Variants in CACNA1H observed in about 807,000 individuals in gnomAD.
The protein encoded by CACNA1H is calcium voltage-gated channel subunit alpha1 H, also known as voltage-dependent T-type calcium channel subunit alpha-1H.
A neutral mutation model predicts 192.5 loss-of-function variants in CACNA1H; 149 were observed. The observed-to-expected ratio is 0.77, with a 90% CI of 0.68 to 0.89. CACNA1H has a LOEUF of 0.89. Among genes scored for constraint, CACNA1H ranks in the 40% least tolerant of loss-of-function variants. The probability of loss-of-function intolerance (pLI) is 0.00; values close to 1 mark genes in which losing one functional copy is unlikely to be tolerated. For missense variants in CACNA1H, 4,257 were observed against 3,423.5 expected, an observed-to-expected ratio of 1.24 and a Z score of -6.08; for synonymous variants, 2,202 against 1,475.2, an observed-to-expected ratio of 1.49 and a Z score of -11.29.
In CACNA1H at chr16:1,210,793, G is replaced by A. The variant is rs200400235; in HGVS notation, c.4045G>A (p.Ala1349Thr). The change falls in exon 21 of 35, where the codon GCC (alanine) becomes ACC (threonine). Residue 1349 changes from alanine (A) to threonine (T), a missense_variant. Transcript: ENST00000348261. ...FVAEMMVKVV[A>T]LGLLSGEHAY... ...TGCCATTGGCCCTCCGCAGGTGGTG[G>A]CCCTGGGGCTGCTGTCCGGCGAGCA... is the stretch of plus-strand genomic sequence containing the variant. The A allele has an allele frequency of 6.7e-5, 108 of 1,600,820 alleles. 1 individual carries two copies. In the East Asian group the frequency reaches 2.4e-3, roughly 35 times the overall value.
rs866918138 is a variant in CACNA1H, at chr16:1,213,768, C to T, written c.4778-12C>T. ...CCCTCCTGCCCGGCGCTCATGGCCG[C>T]CCTCCCCGCAGAGGCCCAGCGCCGG... is the stretch of plus-strand genomic sequence containing the variant. On this transcript the variant is annotated splice_polypyrimidine_tract_variant and intron_variant, in intron 26 of 34. Coordinates refer to ENST00000348261, the MANE Select transcript of CACNA1H (RefSeq NM_021098.3). 1.3e-6 allele frequency: 2 copies of T among 1,537,074 alleles called. No homozygotes were observed. The highest frequency in any genetic ancestry group is 1.7e-6 in the Non-Finnish European group (2 of 1,143,590).
rs762960317 is a variant in CACNA1H, at chr16:1,202,229, TGCCGCA to T, written c.1783_1788del (p.Ala595_Ala596del). The stretch of plus-strand genomic sequence containing the variant: ...CGCAGGAGAGGGCCCGGGTGGCACA[TGCCGCA>T]GCCACTGCCGCTGCCAGCCTCAGAC... On this transcript the variant is annotated inframe_deletion, in exon 9 of 35. Coordinates refer to ENST00000348261, the MANE Select transcript of CACNA1H (RefSeq NM_021098.3). 6 of 1,556,218 alleles carry T rather than the reference TGCCGCA, an allele frequency of 3.9e-6. No homozygotes were observed. Among genetic ancestry groups the T allele is most frequent in the African/African-American group, 1.4e-5 (1 of 73,224 alleles).
chr16:1,211,454 T>G (rs761139655), intron 22 of CACNA1H, 27 bp from the exon 23 acceptor site: 2 of 1,612,000 alleles, frequency 1.2e-6, no homozygotes, highest in Non-Finnish European at 1.7e-6. Context: ...GGCCAGGCCC[T>G]CCGCGGTGAC....
At chr16:1,207,624 C>G in intron 14 of CACNA1H, 146 bp from the exon 15 acceptor site, 1 of 907,924 alleles carries the variant, frequency 1.1e-6, no homozygotes, top group Non-Finnish European at 1.7e-6. Context: ...AGATTCCTCA[C>G]CTACCTGCCC....
intron 6 of CACNA1H, among the ~76,000 whole-genome samples, chr16:1,200,019 C>T (rs927189960): frequency 2.0e-5 from 3 of 152,146 alleles, no homozygotes; most frequent in African/African-American, 4.8e-5. Context: ...GTGGTTTCTG[C>T]AGCACCACTG....
intron 2 of CACNA1H, among the ~76,000 whole-genome samples, chr16:1,158,968 C>G (rs1188056914): frequency 1.3e-5 from 2 of 152,208 alleles, no homozygotes; most frequent in Non-Finnish European, 2.9e-5. Flanking sequence ...CGGGTTTCAC[C>G]GTCCGTCTGT....
intron 2 of CACNA1H, among the ~76,000 whole-genome samples, chr16:1,183,275 C>G (rs193091317): frequency 6.6e-6 from 1 of 152,172 alleles, no homozygotes; most frequent in Non-Finnish European, 1.5e-5. Context: ...CGCGTTCCCC[C>G]AGTTTTCCCC....
At chr16:1,186,274 G>C (rs927104963) in intron 2 of CACNA1H, among the ~76,000 whole-genome samples, 24 of 151,934 alleles carry the variant, frequency 1.6e-4, no homozygotes, top group Non-Finnish European at 2.2e-4. Context: ...AAGAATGCGC[G>C]GCTCCCTCGA....
chr16:1,195,855 T>G, intron 4 of CACNA1H, 71 bp from the exon 5 acceptor site: 1 of 1,219,134 alleles, frequency 8.2e-7, no homozygotes, highest in South Asian at 1.2e-5. Context: ...CCCACCCTAC[T>G]TTGCACCCCA....
chr16:1,208,776 G>C (rs2141323277), intron 16 of CACNA1H, among the ~76,000 whole-genome samples: 1 of 152,278 alleles, frequency 6.6e-6, no homozygotes, highest in East Asian at 1.9e-4. Context: ...CACTTTGTCT[G>C]GTCCTGGGCT....
rs61072201 is a variant in CACNA1H at position 1,204,314 on chromosome 16, G to A, written c.2307G>A (p.Pro769=). The A allele has an allele frequency of 3.3e-5, 53 of 1,599,336 alleles. No homozygotes were observed. In the African/African-American group the frequency reaches 3.6e-4, roughly 11 times the overall value. The change falls in exon 10 of 35, where the codon CCG becomes CCA. Residue 769 remains proline, a synonymous_variant. Coordinates refer to ENST00000348261, the MANE Select transcript of CACNA1H (RefSeq NM_021098.3). ...GGCGGGCACAGCAGAGGGCAGCCCC[G>A]GGCGAGCCAGGCTGGATGGGCCGCC... is the stretch of plus-strand genomic sequence containing the variant. ...PQRRAQQRAA[P]GEPGWMGRLW...
intron 12 of CACNA1H, 40 bp downstream of exon 12, chr16:1,206,329 C>G (rs765772738): frequency 3.3e-6 from 5 of 1,531,576 alleles, no homozygotes; most frequent in Admixed American, 2.0e-5. Context: ...AGTGTCTCAC[C>G]CCAGGGCAGC....
At position 1,202,152 on chromosome 16, in the gene CACNA1H, G is replaced by A. The variant is rs61056448; in HGVS notation, c.1702G>A (p.Asp568Asn). 1,728 of 1,550,318 alleles carry A rather than the reference G, an allele frequency of 1.1e-3. 20 individuals carry two copies. In the Middle Eastern group the frequency reaches 0.012, roughly 11 times the overall value. The change falls in exon 9 of 35, where the codon GAC becomes AAC. Residue 568 changes from aspartate (D) to asparagine (N), a missense_variant. Coordinates refer to ENST00000348261, the MANE Select transcript of CACNA1H (RefSeq NM_021098.3). Reference sequence around the variant, plus strand: ...ACCTTCCCCAGGCCGCGGACCCCCCGACGCAGAGTCTGTGCACAGCATCTA... The same window carrying A: ...ACCTTCCCCAGGCCGCGGACCCCCCAACGCAGAGTCTGTGCACAGCATCTA... ...SPPSPGRGPP[D>N]AESVHSIYHA...
chr16:1,202,459 A>T lies in CACNA1H; in HGVS notation c.2002+7A>T. 6.8e-7 allele frequency: 1 copy of T among 1,472,824 alleles called. No individual in the cohort carries two copies. The highest frequency in any genetic ancestry group is 2.5e-5 in the East Asian group (1 of 40,136). The allele number at this position is 1,472,824 out of a possible 1,614,324, so 91.2% of individuals were successfully genotyped here. A position where few individuals can be genotyped will look rare whatever the true frequency, so the allele number is the denominator to read the frequency against. ...CATGTGGTCGGGGAGCATGGTGAGG[A>T]CCCAGCCCCACCCCACGGAGGAGGC... On this transcript the variant is annotated splice_region_variant and intron_variant, in intron 9 of 34. Transcript: ENST00000348261.
intron 18 of CACNA1H, 91 bp from the exon 19 acceptor site, chr16:1,210,279 T>A: frequency 7.8e-7 from 1 of 1,277,014 alleles, no homozygotes; most frequent in Non-Finnish European, 1.1e-6. Flanking sequence ...GGGGCTGAAG[T>A]GGAGGCGTGG....
At chr16:1,176,865 G>T (rs970946759) in intron 2 of CACNA1H, among the ~76,000 whole-genome samples, 2 of 152,192 alleles carry the variant, frequency 1.3e-5, no homozygotes, top group Non-Finnish European at 1.5e-5. Context: ...CGGGGAGGGG[G>T]TCCTAAGGAT....
chr16:1,212,956 G>C (rs977572666), intron 26 of CACNA1H, among the ~76,000 whole-genome samples: 1 of 152,252 alleles, frequency 6.6e-6, no homozygotes, highest in African/African-American at 2.4e-5. Context: ...CAGGCCCTGG[G>C]CCAGCAGTCC....
intron 31 of CACNA1H, among the ~76,000 whole-genome samples, 162 bp from the exon 32 acceptor site, chr16:1,217,757 G>A (rs938674786): frequency 6.6e-6 from 1 of 152,246 alleles, no homozygotes; most frequent in Non-Finnish European, 1.5e-5. Context: ...CACACCCAGG[G>A]TCACCCTCTG....
intron 21 of CACNA1H, 47 bp downstream of exon 21, chr16:1,211,018 C>T: frequency 1.9e-6 from 3 of 1,570,940 alleles, no homozygotes; most frequent in South Asian, 2.3e-5. Context: ...AAGCACAGTC[C>T]CCTGACGCCA....
Sources: gnomAD v4.1 joint callset for allele counts (sites outside exome capture counted in the v4.1 genomes callset) on GRCh38, gnomAD v4.1.1 for gene constraint, MANE v1.5 for transcripts, NCBI Gene and HGNC (gene_info 2026-07-23, HGNC 2026-07-21) for gene names.